Variants in LLGL1 observed in about 807,000 individuals in gnomAD.
LLGL1 encodes the protein LLGL scribble cell polarity complex component 1, also known as lethal(2) giant larvae protein homolog 1.
A neutral mutation model predicts 110.6 loss-of-function variants in LLGL1; 58 were observed. That is an observed-to-expected ratio of 0.52 (90% CI 0.42 to 0.65). The LOEUF (loss-of-function observed/expected upper bound fraction) is 0.65, where lower values mean the gene tolerates loss of function less well. LLGL1 is among the 30% of genes least tolerant of loss of function. The pLI is 0.00. For synonymous variants in LLGL1, 674 were observed against 607.2 expected (o/e 1.11, Z -1.62); for missense variants, 1,229 against 1,462.1 (o/e 0.84, Z 2.60).
intron 11 of LLGL1, 173 bp from the exon 12 acceptor site, chr17:18,236,434 A>G (rs930432090): frequency 9.5e-6 from 6 of 630,560 alleles, no homozygotes; most frequent in African/African-American, 1.8e-5. Flanking sequence ...ACAGGTGCAC[A>G]GTGTACCTGT....
At chr17:18,234,454 G>A in intron 7 of LLGL1, 46 bp downstream of exon 7, 1 of 1,598,332 alleles carries the variant, frequency 6.3e-7, no homozygotes, top group South Asian at 1.1e-5. Context: ...ATGGGAGGGG[G>A]CACCACTGAG....
intron 16 of LLGL1, among the ~76,000 whole-genome samples, chr17:18,239,572 A>G (rs955006629): frequency 5.3e-5 from 8 of 152,124 alleles, no homozygotes; most frequent in Admixed American, 2.6e-4. Flanking sequence ...TGTTCCTGAC[A>G]GATGTCACTG....
Position 18,240,029 on chromosome 17 carries a change from C to G in LLGL1, c.2207-549C>G, listed in dbSNP as rs115396469. On this transcript the variant is annotated intron_variant, in intron 16 of 22. Coordinates refer to ENST00000316843, the MANE Select transcript of LLGL1 (RefSeq NM_004140.4). This position sits in a 1 kb window ranked among gnomAD's most constrained non-coding sequence, Gnocchi z 5.3. ...TCAGTTCACACAGGCAGAGCAGGGT[C>G]GATGGATGGTCGTCCTAGGTGTCCC... is the stretch of plus-strand genomic sequence containing the variant. Among the ~76,000 whole-genome samples the G allele has an allele frequency of 3.4e-3, 518 of 152,226 alleles. 3 individuals carry two copies. Among genetic ancestry groups the G allele is most frequent in the African/African-American group, 0.012 (501 of 41,536 alleles).
rs2047792922 is a variant in LLGL1 at position 18,240,086 on chromosome 17, A to T, written c.2207-492A>T. Among the ~76,000 whole-genome samples the T allele has an allele frequency of 6.6e-6, 1 of 152,070 alleles. No homozygotes were observed. The highest frequency in any genetic ancestry group is 1.5e-5 in the Non-Finnish European group (1 of 67,984). On this transcript the variant is annotated intron_variant, in intron 16 of 22. Coordinates refer to ENST00000316843, the MANE Select transcript of LLGL1 (RefSeq NM_004140.4). The surrounding 1 kb of genome is among the most constrained non-coding windows in gnomAD (Gnocchi z 5.3). ...TGGCGGCTTCCTCTGGCTGCCACGT[A>T]GGGAGCACACTGAAGACAGTGGGGG...
rs57956221 is a variant in LLGL1 at position 18,240,783 on chromosome 17, C to G, written c.2412C>G (p.Pro804=). Residue 804 remains proline (P), a synonymous_variant, in exon 17 of 23, where the codon CCC becomes CCG. Coordinates refer to ENST00000316843, the MANE Select transcript of LLGL1 (RefSeq NM_004140.4). The surrounding 1 kb of genome is among the most constrained non-coding windows in gnomAD (Gnocchi z 5.3). ...AVLDGRGRPL[P]EPYEASRDLA... ...TGGACGGGCGTGGCCGCCCACTGCCCGAGCCCTACGAGGCCTCACGGGACC... is the reference window on the plus strand; with the variant it reads ...TGGACGGGCGTGGCCGCCCACTGCCGGAGCCCTACGAGGCCTCACGGGACC... 4.3e-4 allele frequency: 680 copies of G among 1,599,564 alleles called. 3 individuals carry two copies. The African/African-American group carries it at 7.5e-3, about 18-fold the overall frequency.
In LLGL1 at chr17:18,229,927, T is replaced by G. The variant is rs2047531269; in HGVS notation, c.82-14T>G. On this transcript the variant is annotated splice_polypyrimidine_tract_variant and intron_variant, in intron 1 of 22. Coordinates refer to ENST00000316843, the MANE Select transcript of LLGL1 (RefSeq NM_004140.4). The stretch of plus-strand genomic sequence containing the variant: ...TGGGAGTGCTTACCCCCAGCAGCCC[T>G]CCCCTCCTTGCAGACTGTGGAGCAT... The G allele has an allele frequency of 6.3e-7, 1 of 1,591,224 alleles. No homozygotes were observed. The highest frequency in any genetic ancestry group is 1.3e-5 in the African/African-American group (1 of 74,404).
chr17:18,231,931 TACA>T (rs1211485030), intron 2 of LLGL1, among the ~76,000 whole-genome samples: 6 of 152,142 alleles, frequency 3.9e-5, no homozygotes, highest in Admixed American at 2.0e-4. Context: ...GTGCTGGGAT[TACA>T]GGAGCGAGCC....
At chr17:18,239,822 G>A (rs1467216223) in intron 16 of LLGL1, among the ~76,000 whole-genome samples, 3 of 151,988 alleles carry the variant, frequency 2.0e-5, no homozygotes, top group Non-Finnish European at 2.9e-5. Flanking sequence ...TGTTCCACTG[G>A]CCCGAGAAGG....
intron 1 of LLGL1, among the ~76,000 whole-genome samples, chr17:18,227,883 A>C (rs971131552): frequency 2.6e-5 from 4 of 152,146 alleles, no homozygotes; most frequent in African/African-American, 9.7e-5. Flanking sequence ...CTAAGTGGGT[A>C]ATAGGTGATC....
Position 18,242,641 on chromosome 17 carries a change from G to A in LLGL1, c.3116+13G>A. ...AGGATTTCCTGGGGTGAGGCTGGTG[G>A]GCAGGTCCACAGGGGGGGCTGCCCT... On this transcript the variant is annotated intron_variant, in intron 21 of 22. Transcript: ENST00000316843. 6.2e-7 allele frequency: 1 copy of A among 1,600,160 alleles called. No homozygotes were observed. The highest frequency in any genetic ancestry group is 2.3e-5 in the East Asian group (1 of 44,044).
In LLGL1 at chr17:18,238,454, A is replaced by G. The variant is rs1167493985; in HGVS notation, c.2053-2A>G. 1 of 1,606,290 alleles carries G rather than the reference A, an allele frequency of 6.2e-7. No individual in the cohort carries two copies. The highest frequency in any genetic ancestry group is 8.5e-7 in the Non-Finnish European group (1 of 1,175,730). On this transcript the variant is annotated splice_acceptor_variant, in intron 15 of 22. Transcript: ENST00000316843. LOFTEE classifies it high-confidence loss of function. The stretch of plus-strand genomic sequence containing the variant: ...CAGTGTTCAGGAGCCCCCGCCCGGC[A>G]GTTGCAGGAAGCCAATGCACAGCTG...
Position 18,229,925 on chromosome 17 carries a change from C to G in LLGL1, c.82-16C>G. On this transcript the variant is annotated splice_polypyrimidine_tract_variant and intron_variant, in intron 1 of 22. Coordinates refer to ENST00000316843, the MANE Select transcript of LLGL1 (RefSeq NM_004140.4). ...CCTGGGAGTGCTTACCCCCAGCAGC[C>G]CTCCCCTCCTTGCAGACTGTGGAGC... The G allele has an allele frequency of 6.3e-7, 1 of 1,583,988 alleles. No homozygotes were observed. Among genetic ancestry groups the G allele is most frequent in the South Asian group, 1.1e-5 (1 of 88,660 alleles).
chr17:18,241,992 C>T lies in LLGL1; in HGVS notation c.2875C>T (p.Gln959Ter). The change falls in exon 19 of 23, where the codon CAG (glutamine) becomes TAG (stop). Residue 959 changes from glutamine to a stop codon, truncating the protein, a stop_gained. Transcript: ENST00000316843. LOFTEE classifies it high-confidence loss of function. ...LDINWPRDAT[Q>*]ASYRIRESPK... ...CATTAACTGGCCCCGCGATGCCACC[C>T]AGGCCAGGTGTGTGGAGGGGCAGCT... 1 of 1,613,360 alleles carries T rather than the reference C, an allele frequency of 6.2e-7. No individual in the cohort carries two copies. The highest frequency in any genetic ancestry group is 8.5e-7 in the Non-Finnish European group (1 of 1,179,336).
At chr17:18,243,359 G>A (rs1567698443) in intron 22 of LLGL1, among the ~76,000 whole-genome samples, 1 of 152,128 alleles carries the variant, frequency 6.6e-6, no homozygotes, top group Non-Finnish European at 1.5e-5. Context: ...CACCCGCCTC[G>A]GCCTCCCTAA....
At chr17:18,238,657 G>A in intron 16 of LLGL1, 48 bp downstream of exon 16, 2 of 1,552,198 alleles carry the variant, frequency 1.3e-6, no homozygotes, top group Non-Finnish European at 1.8e-6. Context: ...GGGGGGGCTG[G>A]CCTCAATTGG....
chr17:18,241,868 T>C lies in LLGL1; in HGVS notation c.2768-17T>C, dbSNP rs1270429294. The C allele has an allele frequency of 1.9e-6, 3 of 1,609,504 alleles. No individual in the cohort carries two copies. The highest frequency in any genetic ancestry group is 2.6e-6 in the Non-Finnish European group (3 of 1,175,798). On this transcript the variant is annotated splice_polypyrimidine_tract_variant and intron_variant, in intron 18 of 22. Coordinates refer to ENST00000316843, the MANE Select transcript of LLGL1 (RefSeq NM_004140.4). ...TGGTATCTTCTAACTGCACTCCTCA[T>C]TCTTCTGCCCACCCAGGCTTTTACC... is the stretch of plus-strand genomic sequence containing the variant.
At chr17:18,235,416 G>C in intron 10 of LLGL1, 54 bp from the exon 11 acceptor site, 1 of 1,609,594 alleles carries the variant, frequency 6.2e-7, no homozygotes, top group South Asian at 1.1e-5. Context: ...CGGGGTGAGA[G>C]GGAGAAGATG....
rs1277040400 is a variant in LLGL1 at position 18,234,048 on chromosome 17, G to C, written c.587G>C (p.Gly196Ala). 1 of 1,600,162 alleles carries C rather than the reference G, an allele frequency of 6.2e-7. No individual in the cohort carries two copies. The highest frequency in any genetic ancestry group is 1.3e-5 in the African/African-American group (1 of 74,722). ...GACTACCGCTGTGGGAAGGCACTGG[G>C]CCCCGTGGAGTCACTCCAGGGACAC... ...PDDYRCGKAL[G>A]PVESLQGHLR... Residue 196 changes from glycine to alanine, a missense_variant, in exon 6 of 23, where the codon GGC becomes GCC. Transcript: ENST00000316843.
chr17:18,235,247 A>G lies in LLGL1; in HGVS notation c.1219A>G (p.Lys407Glu). 6.2e-7 allele frequency: 1 copy of G among 1,610,818 alleles called. No individual in the cohort carries two copies. ...GGCCCACGTGGCCAGTGTCCCCGCC[A>G]AGCTGTGGGCCCGCATTGTGAGCGC... ...CSAHVASVPAKLWARIVSAGE... is the reference protein window; with the variant it reads ...CSAHVASVPAELWARIVSAGE... The change falls in exon 10 of 23, where the codon AAG (lysine) becomes GAG (glutamate). Residue 407 changes from lysine to glutamate, a missense_variant. Coordinates refer to ENST00000316843, the MANE Select transcript of LLGL1 (RefSeq NM_004140.4).
Sources: allele counts gnomAD v4.1 joint callset (sites outside exome capture counted in the v4.1 genomes callset), GRCh38; gene constraint gnomAD v4.1.1; non-coding constraint Gnocchi (gnomAD v3.1); transcripts MANE v1.5; gene names NCBI Gene and HGNC (gene_info 2026-07-23, HGNC 2026-07-21).